ACTL6A: variants seen among roughly 807,000 people sequenced by gnomAD.
ACTL6A encodes the protein actin-like protein 6A.
In ACTL6A, 5 loss-of-function variants were observed where a neutral mutation model predicts 59.2. That is an observed-to-expected ratio of 0.08 (90% CI 0.04 to 0.18). The LOEUF is 0.18. Among genes scored for constraint, ACTL6A ranks in the 10% least tolerant of loss-of-function variants. The pLI is 1.00. For missense variants in ACTL6A, 285 were observed against 526.9 expected (o/e 0.54, Z 4.49); for synonymous variants, 154 against 171.8 (o/e 0.90, Z 0.81).
Position 179,576,607 on chromosome 3 carries a change from ATC to A in ACTL6A, c.572-11_572-10del, listed in dbSNP as rs758637180. ...CTTACTGCCCTCTTAGCCTTGTTTCATCTGTTTCATAGGCATTGTGAAATCCC... is the reference window on the plus strand; with the variant it reads ...CTTACTGCCCTCTTAGCCTTGTTTCATGTTTCATAGGCATTGTGAAATCCC... On this transcript the variant is annotated splice_polypyrimidine_tract_variant and intron_variant, in intron 6 of 13. Transcript: ENST00000429709. The A allele has an allele frequency of 1.9e-6, 3 of 1,599,396 alleles. No individual in the cohort carries two copies. Among genetic ancestry groups the A allele is most frequent in the Non-Finnish European group, 2.6e-6 (3 of 1,167,836 alleles).
intron 8 of ACTL6A, among the ~76,000 whole-genome samples, chr3:179,578,294 A>G (rs1718230157): frequency 6.6e-6 from 1 of 152,194 alleles, no homozygotes; most frequent in Admixed American, 6.5e-5. Context: ...GTCTCTAAAA[A>G]TATAAAAAAA....
intron 9 of ACTL6A, 60 bp from the exon 10 acceptor site, chr3:179,580,834 T>C (rs1295904288): frequency 6.8e-7 from 1 of 1,476,144 alleles, no homozygotes; most frequent in Admixed American, 2.2e-5. Context: ...CCTAGTAGTT[T>C]ATAATTTTGA....
chr3:179,572,153 C>A (rs1470069157), intron 3 of ACTL6A, among the ~76,000 whole-genome samples: 1 of 152,042 alleles, frequency 6.6e-6, no homozygotes, highest in African/African-American at 2.4e-5. Context: ...AGATGGAGTT[C>A]TAGCAAAAAC....
At chr3:179,564,189 C>T (rs567024341) in intron 1 of ACTL6A, among the ~76,000 whole-genome samples, 1 of 152,268 alleles carries the variant, frequency 6.6e-6, no homozygotes, top group Admixed American at 6.5e-5. Context: ...ACATATAATT[C>T]ATGTGTTGGG....
Position 179,576,914 on chromosome 3 carries a change from G to A in ACTL6A, c.768+1G>A, listed in dbSNP as rs1235990122. ...GTCTTGGCACAATTATATGTGTAAT[G>A]TAAGTAACCCTCATTCTCTTTACAA... On this transcript the variant is annotated splice_donor_variant, in intron 8 of 13. Coordinates refer to ENST00000429709, the MANE Select transcript of ACTL6A (RefSeq NM_004301.5). LOFTEE classifies it high-confidence loss of function. The A allele has an allele frequency of 6.2e-7, 1 of 1,610,730 alleles. No homozygotes were observed. Among genetic ancestry groups the A allele is most frequent in the Non-Finnish European group, 8.5e-7 (1 of 1,178,184 alleles).
chr3:179,570,836 G>A lies in ACTL6A; in HGVS notation c.277+595G>A, dbSNP rs553171809. Among the ~76,000 whole-genome samples the A allele has an allele frequency of 3.9e-5, 6 of 152,304 alleles. No homozygotes were observed. Among genetic ancestry groups the A allele is most frequent in the African/African-American group, 1.2e-4 (5 of 41,578 alleles). On this transcript the variant is annotated intron_variant, in intron 3 of 13. Transcript: ENST00000429709. This position sits in a 1 kb window ranked among gnomAD's most constrained non-coding sequence, Gnocchi z 4.3. ...AGGGCTTGTAAACCATCCCAGGGTT[G>A]TATTAAGCTAGTGACTGAAGGATAA...
At chr3:179,577,183 TTAC>T (rs1279890955) in intron 8 of ACTL6A, among the ~76,000 whole-genome samples, 1 of 152,158 alleles carries the variant, frequency 6.6e-6, no homozygotes, top group Non-Finnish European at 1.5e-5. Flanking sequence ...TCTCTACAAA[TTAC>T]TACATACTCA....
intron 1 of ACTL6A, among the ~76,000 whole-genome samples, chr3:179,567,460 T>C (rs1037178084): frequency 6.6e-6 from 1 of 152,172 alleles, no homozygotes. Flanking sequence ...TTTTGACATA[T>C]GAATTTTAGG....
intron 12 of ACTL6A, among the ~76,000 whole-genome samples, chr3:179,585,869 A>ATTC (rs1718474346): frequency 6.6e-6 from 1 of 152,160 alleles, no homozygotes; most frequent in Non-Finnish European, 1.5e-5. Flanking sequence ...ACTAATTTGG[A>ATTC]AGGAAATAGT....
In ACTL6A at chr3:179,573,353, T is replaced by C. The variant is rs754895610; in HGVS notation, c.278-16T>C. 1 of 1,508,250 alleles carries C rather than the reference T, an allele frequency of 6.6e-7. No homozygotes were observed. Among genetic ancestry groups the C allele is most frequent in the Admixed American group, 2.2e-5 (1 of 44,942 alleles). The allele number at this position is 1,508,250 out of a possible 1,614,324, so 93.4% of individuals were successfully genotyped here. A position where few individuals can be genotyped will look rare whatever the true frequency, so the allele number is the denominator to read the frequency against. ...CAACTATGCATTATTTCCAAGTTAC[T>C]AATCTTATATTCTAGTTGAAGACTG... On this transcript the variant is annotated splice_polypyrimidine_tract_variant and intron_variant, in intron 3 of 13. Transcript: ENST00000429709.
intron 1 of ACTL6A, among the ~76,000 whole-genome samples, chr3:179,564,439 G>A (rs1262596907): frequency 6.6e-6 from 1 of 152,116 alleles, no homozygotes; most frequent in African/African-American, 2.4e-5. Context: ...TTCAATTCTT[G>A]AGGATTTTTA....
At chr3:179,568,344 T>C (rs1717901248) in intron 1 of ACTL6A, among the ~76,000 whole-genome samples, 2 of 152,176 alleles carry the variant, frequency 1.3e-5, no homozygotes, top group Non-Finnish European at 2.9e-5. Context: ...TAAGTTTGTA[T>C]GTAATACAAT....
Position 179,587,889 on chromosome 3 carries a change from GAAGT to G in ACTL6A, c.1210-37_1210-34del, listed in dbSNP as rs1477489485. 5 of 1,541,500 alleles carry G rather than the reference GAAGT, an allele frequency of 3.2e-6. No homozygotes were observed. In the African/African-American group the frequency reaches 4.3e-5, roughly 13 times the overall value. On this transcript the variant is annotated intron_variant, in intron 13 of 13. Coordinates refer to ENST00000429709, the MANE Select transcript of ACTL6A (RefSeq NM_004301.5). ...AAATTTTTTAAGCCATTTCTAGTAAGAAGTAAGGCATAATTATATAAATTTCTTT... is the reference window on the plus strand; with the variant it reads ...AAATTTTTTAAGCCATTTCTAGTAAGAAGGCATAATTATATAAATTTCTTT...
chr3:179,583,991 T>C (rs1718409027), intron 12 of ACTL6A, among the ~76,000 whole-genome samples: 1 of 152,234 alleles, frequency 6.6e-6, no homozygotes, highest in South Asian at 2.1e-4. Context: ...TTCTAGTCTT[T>C]ACGTAAGTGG....
At chr3:179,573,808 A>T (rs1718087822) in intron 4 of ACTL6A, among the ~76,000 whole-genome samples, 1 of 152,124 alleles carries the variant, frequency 6.6e-6, no homozygotes, top group Non-Finnish European at 1.5e-5. Context: ...AGGGCAGCGT[A>T]TATCTACTTT....
chr3:179,567,344 C>T (rs189639118), intron 1 of ACTL6A, among the ~76,000 whole-genome samples: 74 of 152,120 alleles, frequency 4.9e-4, no homozygotes, highest in Non-Finnish European at 9.1e-4. Context: ...CCAGCCTGGG[C>T]GACAGGAGTG....
chr3:179,569,816 C>G lies in ACTL6A; in HGVS notation c.26-8C>G. 6.2e-7 allele frequency: 1 copy of G among 1,613,206 alleles called. No individual in the cohort carries two copies. The highest frequency in any genetic ancestry group is 8.5e-7 in the Non-Finnish European group (1 of 1,179,226). On this transcript the variant is annotated splice_region_variant and splice_polypyrimidine_tract_variant and intron_variant, in intron 1 of 13. Coordinates refer to ENST00000429709, the MANE Select transcript of ACTL6A (RefSeq NM_004301.5). ...GCTGTTAATGCTAATTATCTTTAAT[C>G]TTTTCAGATGAAGTTGGAGCCCTTG...
At chr3:179,578,508 C>T (rs569814541) in intron 8 of ACTL6A, among the ~76,000 whole-genome samples, 7 of 152,158 alleles carry the variant, frequency 4.6e-5, no homozygotes, top group African/African-American at 1.7e-4. Context: ...GTCCCAGCTA[C>T]TTGGGAGACT....
chr3:179,579,642 G>A (rs1168949015), intron 8 of ACTL6A, among the ~76,000 whole-genome samples: 6 of 152,226 alleles, frequency 3.9e-5, no homozygotes, highest in Admixed American at 2.6e-4. Flanking sequence ...ACAAAAATTA[G>A]CTGGGTTTGG....
Sources: allele counts gnomAD v4.1 joint callset (sites outside exome capture counted in the v4.1 genomes callset), GRCh38; gene constraint gnomAD v4.1.1; non-coding constraint Gnocchi (gnomAD v3.1); transcripts MANE v1.5; gene names NCBI Gene and HGNC (gene_info 2026-07-23, HGNC 2026-07-21).